BTBD16: variants seen among roughly 807,000 people sequenced by gnomAD.
The protein encoded by BTBD16 is BTB/POZ domain-containing protein 16.
BTBD16 carries 66 observed loss-of-function variants against 67.4 expected under a neutral mutation model. The observed-to-expected ratio is 0.98, with a 90% CI of 0.80 to 1.20. BTBD16 has a LOEUF of 1.20. BTBD16 is among the 50% of genes most tolerant of loss of function. The pLI, the probability that BTBD16 is intolerant of heterozygous loss-of-function variation, is 0.00. For synonymous variants in BTBD16, 242 were observed against 236.4 expected (o/e 1.02, Z -0.22); for missense variants, 634 against 616.0 (o/e 1.03, Z -0.31).
At chr10:122,272,678 T>TACACAC (rs112265160) in intron 1 of BTBD16, among the ~76,000 whole-genome samples, 4,512 of 147,674 alleles carry the variant, frequency 0.031, 247 homozygotes, top group East Asian at 0.19. Context: ...GCAAAGGAAA[T>TACACAC]ACACACACAC....
intron 13 of BTBD16, chr10:122,332,835 G>A: frequency 1.0e-6 from 1 of 985,330 alleles, no homozygotes; most frequent in Non-Finnish European, 1.2e-6. Context: ...GGGAAGGGTT[G>A]GTCTTTCTAT....
At chr10:122,280,562 TA>T (rs373286416) in intron 3 of BTBD16, among the ~76,000 whole-genome samples, 83,261 of 148,426 alleles carry the variant, frequency 0.56, 24,242 homozygotes, top group East Asian at 0.89. Context: ...TATATTTTTA[TA>T]TTATATTATA....
intron 10 of BTBD16, among the ~76,000 whole-genome samples, chr10:122,316,751 A>C (rs754060376): frequency 4.0e-5 from 6 of 151,884 alleles, no homozygotes; most frequent in Non-Finnish European, 7.4e-5. Flanking sequence ...ATGGTGCGTG[A>C]ATGTTAAGGC....
chr10:122,329,368 C>G (rs1590097550), intron 10 of BTBD16, 112 bp from the exon 11 acceptor site: 1 of 962,498 alleles, frequency 1.0e-6, no homozygotes, highest in East Asian at 2.5e-5. Flanking sequence ...GGCCCCATCT[C>G]CCCCTGGCTA....
At chr10:122,279,229 G>A (rs778818895) in intron 3 of BTBD16, among the ~76,000 whole-genome samples, 1 of 152,084 alleles carries the variant, frequency 6.6e-6, no homozygotes, top group Non-Finnish European at 1.5e-5. Flanking sequence ...TGTCATCCTA[G>A]TGCTTTGGGA....
intron 10 of BTBD16, among the ~76,000 whole-genome samples, chr10:122,321,867 A>G (rs887321974): frequency 1.3e-5 from 2 of 152,090 alleles, no homozygotes; most frequent in Admixed American, 6.6e-5. Context: ...TTTTATTGCA[A>G]TTGCTTTTGA....
chr10:122,281,415 G>A lies in BTBD16; in HGVS notation c.168-2436G>A, dbSNP rs80200745. Among the ~76,000 whole-genome samples, 1,055 of 151,398 alleles carry A rather than the reference G, an allele frequency of 7.0e-3. 10 individuals are homozygous for A. Among genetic ancestry groups the A allele is most frequent in the African/African-American group, 0.024 (974 of 41,222 alleles). ...TTTTTTAAAGAGATTTAGAGATGAGGTCTCGCGCAGTTGCCCAGGCTAGAA... is the reference window on the plus strand; with the variant it reads ...TTTTTTAAAGAGATTTAGAGATGAGATCTCGCGCAGTTGCCCAGGCTAGAA... On this transcript the variant is annotated intron_variant, in intron 3 of 15. Transcript: ENST00000260723.
chr10:122,286,297 T>G, intron 5 of BTBD16, 49 bp downstream of exon 5: 4 of 1,553,716 alleles, frequency 2.6e-6, no homozygotes, highest in Non-Finnish European at 3.5e-6. Flanking sequence ...CCCTCTAGCT[T>G]GACGGTCCCA....
intron 10 of BTBD16, among the ~76,000 whole-genome samples, chr10:122,316,202 G>A (rs749385777): frequency 3.3e-5 from 5 of 152,170 alleles, no homozygotes; most frequent in Non-Finnish European, 7.3e-5. Flanking sequence ...GGGAGGCAGA[G>A]GTTGCAGTGA....
chr10:122,283,977 A>G lies in BTBD16; in HGVS notation c.241+53A>G, dbSNP rs566808404. On this transcript the variant is annotated intron_variant, in intron 4 of 15. Coordinates refer to ENST00000260723, the MANE Select transcript of BTBD16 (RefSeq NM_144587.5). ...CCAGAATGTTGCTGATTTCAGGGGC[A>G]TCTTGTGGTCTTTATGGAAGGAGAC... The G allele has an allele frequency of 2.4e-5, 34 of 1,388,478 alleles. No individual in the cohort carries two copies. The East Asian group carries it at 7.3e-4, about 30-fold the overall frequency. The allele number at this position is 1,388,478 out of a possible 1,614,324, so 86.0% of individuals were successfully genotyped here.
chr10:122,282,103 T>A (rs530553214), intron 3 of BTBD16, among the ~76,000 whole-genome samples: 1 of 152,338 alleles, frequency 6.6e-6, no homozygotes, highest in Admixed American at 6.5e-5. Context: ...GAGAAGGCAG[T>A]GTGCTCACCT....
intron 1 of BTBD16, among the ~76,000 whole-genome samples, chr10:122,273,030 G>A (rs1404137956): frequency 7.3e-6 from 1 of 136,630 alleles, no homozygotes; most frequent in Non-Finnish European, 1.6e-5. Flanking sequence ...AAATAAATAC[G>A]ATGATACTAC....
At chr10:122,291,040 G>A (rs1304155316) in intron 6 of BTBD16, 40 bp from the exon 7 acceptor site, 25 of 1,579,800 alleles carry the variant, frequency 1.6e-5, no homozygotes, top group Non-Finnish European at 2.1e-5. Flanking sequence ...CCTGTGTGCA[G>A]AGCCCCACAC....
intron 10 of BTBD16, among the ~76,000 whole-genome samples, chr10:122,324,957 G>T (rs1319436623): frequency 4.6e-5 from 7 of 152,216 alleles, no homozygotes; most frequent in Admixed American, 4.6e-4. Flanking sequence ...GTTATGATTA[G>T]ACAGGATTTC....
chr10:122,303,938 C>T (rs996784032), intron 9 of BTBD16, among the ~76,000 whole-genome samples: 3 of 152,168 alleles, frequency 2.0e-5, no homozygotes, highest in African/African-American at 7.2e-5. Flanking sequence ...AATAATTATG[C>T]TTCATAAATA....
At chr10:122,276,258 T>G (rs12572729) in intron 2 of BTBD16, among the ~76,000 whole-genome samples, 33,034 of 152,166 alleles carry the variant, frequency 0.22, 4,371 homozygotes, top group East Asian at 0.42. Context: ...GAATTTCTTT[T>G]GGGGATAATG....
chr10:122,322,680 T>TC (rs1392812568), intron 10 of BTBD16, among the ~76,000 whole-genome samples: 2 of 152,202 alleles, frequency 1.3e-5, no homozygotes, highest in African/African-American at 4.8e-5. Flanking sequence ...GATGATCTTA[T>TC]TTTGGATTAA....
intron 10 of BTBD16, among the ~76,000 whole-genome samples, chr10:122,328,147 G>C (rs1156573175): frequency 2.6e-5 from 4 of 152,206 alleles, no homozygotes; most frequent in Admixed American, 2.6e-4. Context: ...GAAGGAGGAG[G>C]CTCAGATCAT....
chr10:122,315,290 G>A (rs76940135), intron 10 of BTBD16, among the ~76,000 whole-genome samples: 2,819 of 152,240 alleles, frequency 0.019, 52 homozygotes, highest in African/African-American at 0.056. Context: ...AACCAGCACT[G>A]CAATCAAGAT....
Sources: allele counts gnomAD v4.1 joint callset (sites outside exome capture counted in the v4.1 genomes callset), GRCh38; gene constraint gnomAD v4.1.1; transcripts MANE v1.5; gene names NCBI Gene and HGNC (gene_info 2026-07-23, HGNC 2026-07-21).